Variants in NOL4L observed in about 807,000 individuals in gnomAD.
The protein encoded by NOL4L is nucleolar protein 4 like, also known as nucleolar protein 4-like.
Under a neutral mutation model 64.5 loss-of-function variants are expected in NOL4L, and 7 were observed. That is an observed-to-expected ratio of 0.11 (90% CI 0.06 to 0.20). The LOEUF is 0.20. NOL4L is among the 10% of genes least tolerant of loss of function. The pLI, the probability that NOL4L is intolerant of heterozygous loss-of-function variation, is 1.00. For missense variants in NOL4L, 680 were observed against 967.1 expected, an observed-to-expected ratio of 0.70 and a Z score of 3.94; for synonymous variants, 413 against 401.0, an observed-to-expected ratio of 1.03 and a Z score of -0.36.
chr20:32,553,248 C>A (rs1325341481), intron 1 of NOL4L, among the ~76,000 whole-genome samples: 1 of 152,190 alleles, frequency 6.6e-6, no homozygotes, highest in Non-Finnish European at 1.5e-5. Flanking sequence ...CTGCAGCAGC[C>A]TCCTCCCAGC....
chr20:32,446,873 C>T lies in NOL4L; in HGVS notation c.*723G>A, dbSNP rs2012355419. 2.6e-5 allele frequency: 6 copies of T among 230,212 alleles called. No individual in the cohort carries two copies. The Admixed American group carries it at 3.2e-4, about 12-fold the overall frequency. 14.3% of individuals were successfully genotyped at this position (230,212 alleles called of 1,614,324 possible). Reference sequence around the variant, plus strand: ...GGGTGCCTCTTTTGTTTTGCTTTGCCATGGGTGTGGGTGAGGTCCTCCTGC... The same window carrying T: ...GGGTGCCTCTTTTGTTTTGCTTTGCTATGGGTGTGGGTGAGGTCCTCCTGC... On this transcript the variant is annotated 3_prime_UTR_variant, in exon 11 of 11. Coordinates refer to ENST00000621426, the MANE Select transcript of NOL4L (RefSeq NM_001256798.2).
chr20:32,447,672 G>A lies in NOL4L; in HGVS notation c.1967C>T (p.Ala656Val). The change falls in exon 11 of 11, where the codon GCG becomes GTG. Residue 656 changes from alanine (A) to valine (V), a missense_variant. Ala to Val is a moderately conservative substitution (Grantham distance 64). Around this residue, in one of 4 missense-constraint regions of NOL4L, gnomAD observed 175 missense variants for 227.0 expected, o/e 0.77. Coordinates refer to ENST00000621426, the MANE Select transcript of NOL4L (RefSeq NM_001256798.2). ...TEISAVRQLIAGYRESAAFLL... is the reference protein window; with the variant it reads ...TEISAVRQLIVGYRESAAFLL... ...GAAGGCAGCAGACTCCCGGTAGCCC[G>A]CGATGAGCTGCCGCACGGCGCTGAT... is the stretch of plus-strand genomic sequence containing the variant. 6 of 1,612,388 alleles carry A rather than the reference G, an allele frequency of 3.7e-6. No individual in the cohort carries two copies. Among genetic ancestry groups the A allele is most frequent in the African/African-American group, 1.3e-5 (1 of 74,998 alleles).
intron 1 of NOL4L, 41 bp from the exon 2 acceptor site, chr20:32,527,954 T>C (rs766786894): frequency 6.6e-6 from 9 of 1,369,484 alleles, no homozygotes; most frequent in Non-Finnish European, 8.7e-6. Flanking sequence ...TCAGGAATGA[T>C]GGCGGGGTGA....
At chr20:32,504,627 A>G (rs1434349759) in intron 4 of NOL4L, among the ~76,000 whole-genome samples, 1 of 146,276 alleles carries the variant, frequency 6.8e-6, no homozygotes, top group African/African-American at 2.5e-5. Flanking sequence ...TTTTTTTTTG[A>G]CTGAGTCTTG....
At chr20:32,542,296 A>G (rs2018668556) in intron 1 of NOL4L, among the ~76,000 whole-genome samples, 1 of 152,236 alleles carries the variant, frequency 6.6e-6, no homozygotes, top group Non-Finnish European at 1.5e-5. Flanking sequence ...ATTTGAGAGC[A>G]TGACCAAGAG....
chr20:32,554,130 C>A (rs929578845), intron 1 of NOL4L, among the ~76,000 whole-genome samples: 1 of 152,030 alleles, frequency 6.6e-6, no homozygotes, highest in Non-Finnish European at 1.5e-5. Flanking sequence ...ACCATCCTGG[C>A]TAACAGGGTG....
intron 4 of NOL4L, among the ~76,000 whole-genome samples, chr20:32,498,650 C>A (rs557037845): frequency 6.7e-6 from 1 of 150,306 alleles, no homozygotes; most frequent in South Asian, 2.1e-4. Context: ...GTAGTTCCAG[C>A]TACTCGGGAG....
At chr20:32,579,288 T>C (rs559713011) in intron 1 of NOL4L, among the ~76,000 whole-genome samples, 5 of 152,234 alleles carry the variant, frequency 3.3e-5, no homozygotes, top group South Asian at 2.1e-4. Flanking sequence ...AGCCTGCACA[T>C]AGATAGGAAC....
Position 32,474,584 on chromosome 20 carries a change from C to T in NOL4L, c.841+17G>A. 1.2e-6 allele frequency: 2 copies of T among 1,602,620 alleles called. No homozygotes were observed. Among genetic ancestry groups the T allele is most frequent in the Non-Finnish European group, 1.7e-6 (2 of 1,173,580 alleles). On this transcript the variant is annotated intron_variant, in intron 5 of 10. Transcript: ENST00000621426. ...CCGGGCACAGCCCCTCCTCAACTGC[C>T]ACCAAGGGGCACTCACCGTCCTCTT...
rs1360665043 is a variant in NOL4L, at chr20:32,453,644, C to T, written c.1237G>A (p.Asp413Asn). ...TADDDDDDHDDHEDNDKMNDS... is the reference protein window; with the variant it reads ...TADDDDDDHDNHEDNDKMNDS... ...TTCATCTTGTCATTGTCCTCATGGT[C>T]ATCGTGGTCATCGTCGTCATCATCT... Residue 413 changes from aspartate (D) to asparagine (N), a missense_variant, in exon 7 of 11, where the codon GAC (aspartate) becomes AAC (asparagine). Around this residue, in one of 4 missense-constraint regions of NOL4L, gnomAD observed 70 missense variants for 166.1 expected, o/e 0.42. Coordinates refer to ENST00000621426, the MANE Select transcript of NOL4L (RefSeq NM_001256798.2). The surrounding 1 kb of genome is among the most constrained non-coding windows in gnomAD (Gnocchi z 5.6). The T allele has an allele frequency of 6.3e-7, 1 of 1,597,316 alleles. No homozygotes were observed. The highest frequency in any genetic ancestry group is 8.5e-7 in the Non-Finnish European group (1 of 1,172,140).
chr20:32,478,866 G>A (rs747319543), intron 4 of NOL4L, among the ~76,000 whole-genome samples: 12 of 152,236 alleles, frequency 7.9e-5, no homozygotes, highest in Non-Finnish European at 1.3e-4. Flanking sequence ...GCGGGTGTGA[G>A]CTGCCACACC....
intron 3 of NOL4L, among the ~76,000 whole-genome samples, chr20:32,512,671 G>T (rs904174560): frequency 6.6e-6 from 1 of 152,138 alleles, no homozygotes; most frequent in African/African-American, 2.4e-5. Context: ...TGCATACAGA[G>T]AATTCCAGTC....
At chr20:32,454,176 T>C (rs1442338900) in intron 6 of NOL4L, 1 of 186,408 alleles carries the variant, frequency 5.4e-6, no homozygotes, top group Non-Finnish European at 1.1e-5. Context: ...GGCTTCGGGG[T>C]TTTCCTCCCT....
chr20:32,506,970 G>A lies in NOL4L; in HGVS notation c.699+4377C>T, dbSNP rs757634020. The stretch of plus-strand genomic sequence containing the variant: ...GCTGTGAGGACCATTAAAACCATTA[G>A]CGGGACATTAGCTCTGCTCCAGGAA... On this transcript the variant is annotated intron_variant, in intron 4 of 10. Coordinates refer to ENST00000621426, the MANE Select transcript of NOL4L (RefSeq NM_001256798.2). Among the ~76,000 whole-genome samples the A allele has an allele frequency of 3.8e-4, 58 of 152,276 alleles. 2 individuals carry two copies. Among genetic ancestry groups the A allele is most frequent in the Non-Finnish European group, 1.0e-4 (7 of 68,030 alleles).
intron 4 of NOL4L, among the ~76,000 whole-genome samples, chr20:32,494,152 C>T (rs769268514): frequency 6.8e-6 from 1 of 147,766 alleles, no homozygotes; most frequent in Non-Finnish European, 1.5e-5. Context: ...ACTTGGGAGG[C>T]TGAGACAGGA....
At chr20:32,575,344 T>C (rs967507446) in intron 1 of NOL4L, among the ~76,000 whole-genome samples, 2 of 152,040 alleles carry the variant, frequency 1.3e-5, no homozygotes, top group African/African-American at 4.8e-5. Context: ...TCTAAGAAAA[T>C]TGGCCCTGGG....
rs2012258920 is a variant in NOL4L, at chr20:32,444,749, C to T, written c.*2847G>A. On this transcript the variant is annotated 3_prime_UTR_variant, in exon 11 of 11. Transcript: ENST00000621426. ...GCATTTCCTTTTTAACTTAGGATCCCAAATGATCACTTTGTGCCCTGAGGC... is the reference window on the plus strand; with the variant it reads ...GCATTTCCTTTTTAACTTAGGATCCTAAATGATCACTTTGTGCCCTGAGGC... 1 of 152,176 alleles carries T rather than the reference C, an allele frequency of 6.6e-6. No homozygotes were observed. The allele number at this position is 152,176 out of a possible 1,614,324, so 9.4% of individuals were successfully genotyped here.
At chr20:32,583,440 G>T (rs1980629759) in intron 1 of NOL4L, among the ~76,000 whole-genome samples, 2 of 148,386 alleles carry the variant, frequency 1.3e-5, no homozygotes, top group African/African-American at 4.9e-5. Context: ...CGGGCCGGCC[G>T]GGGGAGGAGC....
intron 4 of NOL4L, among the ~76,000 whole-genome samples, chr20:32,482,547 G>A (rs2015799165): frequency 6.6e-6 from 1 of 152,084 alleles, no homozygotes; most frequent in Non-Finnish European, 1.5e-5. Flanking sequence ...GGAGGAGAGA[G>A]AGGGCGGAGG....
Sources: allele counts gnomAD v4.1 joint callset (sites outside exome capture counted in the v4.1 genomes callset), GRCh38; gene constraint gnomAD v4.1.1; regional missense constraint gnomAD v4.1.1; non-coding constraint Gnocchi (gnomAD v3.1); transcripts MANE v1.5; gene names NCBI Gene and HGNC (gene_info 2026-07-23, HGNC 2026-07-21).